KCNJ6: variants seen among roughly 807,000 people sequenced by gnomAD.
KCNJ6 encodes the protein G protein-activated inward rectifier potassium channel 2.
KCNJ6 carries 9 observed loss-of-function variants against 34.2 expected under a neutral mutation model. The observed-to-expected ratio is 0.26, with a 90% CI of 0.16 to 0.46. The LOEUF is 0.46. Among genes scored for constraint, KCNJ6 ranks in the 20% least tolerant of loss-of-function variants. The pLI, the probability that KCNJ6 is intolerant of heterozygous loss-of-function variation, is 1.00. For missense variants in KCNJ6, 236 were observed against 531.3 expected (o/e 0.44, Z 5.46); for synonymous variants, 196 against 207.1 (o/e 0.95, Z 0.46).
At chr21:37,763,654 C>G (rs2055077090) in intron 2 of KCNJ6, among the ~76,000 whole-genome samples, 1 of 152,168 alleles carries the variant, frequency 6.6e-6, no homozygotes, top group Non-Finnish European at 1.5e-5. Context: ...GCCATGTGTT[C>G]TAGATACATG....
chr21:37,845,231 T>C (rs1330520100), intron 1 of KCNJ6, among the ~76,000 whole-genome samples: 1 of 152,122 alleles, frequency 6.6e-6, no homozygotes, highest in Non-Finnish European at 1.5e-5. Flanking sequence ...GAGCCAAGGG[T>C]TTTTATATCA....
At chr21:37,654,364 T>C (rs921454916) in intron 3 of KCNJ6, among the ~76,000 whole-genome samples, 1 of 151,956 alleles carries the variant, frequency 6.6e-6, no homozygotes, top group Admixed American at 6.5e-5. Context: ...ACTTTCTGAT[T>C]GGTCTTCTAC....
intron 2 of KCNJ6, among the ~76,000 whole-genome samples, chr21:37,837,598 A>C (rs966508166): frequency 2.0e-4 from 31 of 152,314 alleles, no homozygotes; most frequent in Admixed American, 1.8e-3. Context: ...CTAGTTAAAC[A>C]TAGAGATGTT....
intron 1 of KCNJ6, among the ~76,000 whole-genome samples, chr21:37,878,979 A>C (rs781774049): frequency 2.6e-5 from 4 of 152,170 alleles, no homozygotes; most frequent in Non-Finnish European, 4.4e-5. Flanking sequence ...GAGGGCAGGG[A>C]CCGTGTATTG....
chr21:37,904,782 C>T (rs1397555256), intron 1 of KCNJ6, among the ~76,000 whole-genome samples: 3 of 151,922 alleles, frequency 2.0e-5, no homozygotes, highest in Non-Finnish European at 4.4e-5. Context: ...TGTTTTTGCA[C>T]AGGAGAAAAA....
At chr21:37,859,521 A>T (rs2055583578) in intron 1 of KCNJ6, among the ~76,000 whole-genome samples, 2 of 69,512 alleles carry the variant, frequency 2.9e-5, no homozygotes, top group South Asian at 1.0e-3. Flanking sequence ...ATATATATAT[A>T]TATATATATA....
rs1340106941 is a variant in KCNJ6 at position 37,851,983 on chromosome 21, A to C, written c.-27-11274T>G. 2.6e-5 allele frequency among the ~76,000 whole-genome samples: 4 copies of C among 152,176 alleles called. No homozygotes were observed. The East Asian group carries it at 5.8e-4, about 22-fold the overall frequency. ...GGAAATGTCAATAGATGCAGACAAAAATGCCCCAAGCTTGAATTCTTTAGC... is the reference window on the plus strand; with the variant it reads ...GGAAATGTCAATAGATGCAGACAAACATGCCCCAAGCTTGAATTCTTTAGC... On this transcript the variant is annotated intron_variant, in intron 1 of 3. Coordinates refer to ENST00000609713, the MANE Select transcript of KCNJ6 (RefSeq NM_002240.5).
At chr21:37,628,752 T>C (rs2054321493) in intron 3 of KCNJ6, among the ~76,000 whole-genome samples, 1 of 152,134 alleles carries the variant, frequency 6.6e-6, no homozygotes, top group African/African-American at 2.4e-5. Context: ...ATCAAACTGT[T>C]GAAACATGAC....
At chr21:37,914,008 G>GGCGTGTGTGTGT (rs760597650) in intron 1 of KCNJ6, among the ~76,000 whole-genome samples, 117 of 135,584 alleles carry the variant, frequency 8.6e-4, no homozygotes, top group Middle Eastern at 3.7e-3. Flanking sequence ...GGCGGATCGG[G>GGCGTGTGTGTGT]GTGTGTGTGT....
At chr21:37,729,917 CT>C (rs34009937) in intron 2 of KCNJ6, among the ~76,000 whole-genome samples, 3 of 151,784 alleles carry the variant, frequency 2.0e-5, no homozygotes, top group Non-Finnish European at 4.4e-5. Flanking sequence ...CTTCATCCTC[CT>C]TTTTTTTAGA....
intron 3 of KCNJ6, among the ~76,000 whole-genome samples, chr21:37,677,577 T>C (rs1482260676): frequency 3.3e-5 from 5 of 152,130 alleles, no homozygotes; most frequent in African/African-American, 2.4e-5. Context: ...GAGTTCATCA[T>C]GATGGGGCTG....
intron 1 of KCNJ6, among the ~76,000 whole-genome samples, chr21:37,912,393 G>A (rs940948030): frequency 1.3e-5 from 2 of 152,180 alleles, no homozygotes; most frequent in African/African-American, 4.8e-5. Context: ...ATTATTGACT[G>A]AACAATTTCA....
At chr21:37,805,957 C>G (rs1277519170) in intron 2 of KCNJ6, among the ~76,000 whole-genome samples, 1 of 152,232 alleles carries the variant, frequency 6.6e-6, no homozygotes, top group Non-Finnish European at 1.5e-5. Context: ...GCCTCCAGAC[C>G]TGCAAGTGAA....
rs1323707199 is a variant in KCNJ6 at position 37,898,588 on chromosome 21, AAAAAAAAAAAAAAG to A, written c.-28+17282_-28+17295del. Among the ~76,000 whole-genome samples the A allele has an allele frequency of 3.0e-4, 35 of 115,342 alleles. No individual in the cohort carries two copies. The East Asian group carries it at 5.9e-3, about 20-fold the overall frequency. The allele number at this position is 115,342 out of a possible 152,430, so 75.7% of individuals were successfully genotyped here. A position where few individuals can be genotyped will look rare whatever the true frequency, so the allele number is the denominator to read the frequency against. On this transcript the variant is annotated intron_variant, in intron 1 of 3. Transcript: ENST00000609713. ...CAGAGCAAAGACTCCATCTCAAAAG[AAAAAAAAAAAAAAG>A]AAAAAAAGAAAAAGAAAAAGTCAGT...
intron 3 of KCNJ6, among the ~76,000 whole-genome samples, chr21:37,703,410 C>T (rs540763875): frequency 1.2e-3 from 180 of 152,236 alleles, no homozygotes; most frequent in African/African-American, 3.9e-3. Flanking sequence ...AGTGTTCGGT[C>T]TGATTGCTTC....
chr21:37,800,335 A>G (rs915618464), intron 2 of KCNJ6, among the ~76,000 whole-genome samples: 3 of 152,186 alleles, frequency 2.0e-5, no homozygotes, highest in Admixed American at 6.5e-5. Flanking sequence ...CCACTTAAAT[A>G]AAATAGGGAC....
Position 37,860,353 on chromosome 21 carries a change from C to T in KCNJ6, c.-27-19644G>A, listed in dbSNP as rs186870978. On this transcript the variant is annotated intron_variant, in intron 1 of 3. Coordinates refer to ENST00000609713, the MANE Select transcript of KCNJ6 (RefSeq NM_002240.5). ...CCCACATCTTATGGCCTCCCACCATCCTCACAGCTACTAGCTTAGCTCAGG... is the reference window on the plus strand; with the variant it reads ...CCCACATCTTATGGCCTCCCACCATTCTCACAGCTACTAGCTTAGCTCAGG... Among the ~76,000 whole-genome samples, 794 of 152,306 alleles carry T rather than the reference C, an allele frequency of 5.2e-3. 4 individuals are homozygous for T. Among genetic ancestry groups the T allele is most frequent in the African/African-American group, 0.018 (759 of 41,562 alleles).
chr21:37,887,524 A>G (rs922301687), intron 1 of KCNJ6, among the ~76,000 whole-genome samples: 1 of 152,178 alleles, frequency 6.6e-6, no homozygotes, highest in South Asian at 2.1e-4. Flanking sequence ...TGGGAGATAA[A>G]AGCCAGAAAT....
rs2054262036 is a variant in KCNJ6 at position 37,615,241 on chromosome 21, A to ATTTTTTTTTTTTT, written c.*9917_*9918insAAAAAAAAAAAAA. ...CAGACCCTCGACTGACATTCCCAGCATTCTTTTTTTTTTTTTTTTTTTTTT... is the reference window on the plus strand; with the variant it reads ...CAGACCCTCGACTGACATTCCCAGCATTTTTTTTTTTTTTTCTTTTTTTTTTTTTTTTTTTTTT... On this transcript the variant is annotated 3_prime_UTR_variant, in exon 4 of 4. Coordinates refer to ENST00000609713, the MANE Select transcript of KCNJ6 (RefSeq NM_002240.5). 3.6e-5 allele frequency: 4 copies of ATTTTTTTTTTTTT among 111,856 alleles called. No individual in the cohort carries two copies. The highest frequency in any genetic ancestry group is 1.7e-5 in the Non-Finnish European group (1 of 57,970). The allele number at this position is 111,856 out of a possible 1,614,324, so 6.9% of individuals were successfully genotyped here. A position where few individuals can be genotyped will look rare whatever the true frequency, so the allele number is the denominator to read the frequency against.
Sources: gnomAD v4.1 joint callset for allele counts (sites outside exome capture counted in the v4.1 genomes callset) on GRCh38, gnomAD v4.1.1 for gene constraint, MANE v1.5 for transcripts, NCBI Gene and HGNC (gene_info 2026-07-23, HGNC 2026-07-21) for gene names.